Variants in SLC71A1 observed in about 807,000 individuals in gnomAD.
SLC71A1 encodes the protein solute carrier family 71 member 1.
At chr1:100,055,400 T>A in the SLC71A1 span, among the ~76,000 whole-genome samples, 72 of 151,912 alleles carry the variant, frequency 4.7e-4, no homozygotes, top group African/African-American at 1.7e-3. Flanking sequence ...TGTGTGTGTT[T>A]ATATTCCTTT....
chr1:100,040,867 CAG>C, the SLC71A1 span, among the ~76,000 whole-genome samples: 12 of 152,088 alleles, frequency 7.9e-5, no homozygotes, highest in Non-Finnish European at 1.2e-4. Flanking sequence ...CTGTTGACCT[CAG>C]AGTTTCAGAG....
chr1:100,080,589 A>G, the SLC71A1 span: 1 of 1,614,094 alleles, frequency 6.2e-7, no homozygotes, highest in Non-Finnish European at 8.5e-7. Context: ...TTCCATGTGG[A>G]ACTTAAAGAA....
At chr1:100,056,760 C>G in the SLC71A1 span, among the ~76,000 whole-genome samples, 1,600 of 152,216 alleles carry the variant, frequency 0.011, 15 homozygotes, top group Middle Eastern at 0.058. Flanking sequence ...TTTTGAGGAG[C>G]CTTCCAACTG....
the SLC71A1 span, among the ~76,000 whole-genome samples, chr1:100,043,693 A>G: frequency 6.6e-6 from 1 of 152,176 alleles, no homozygotes; most frequent in Admixed American, 6.5e-5. Flanking sequence ...TGTACCCAAT[A>G]TATAGTCTTT....
the SLC71A1 span, chr1:100,038,285 C>G: frequency 6.4e-7 from 1 of 1,560,012 alleles, no homozygotes; most frequent in East Asian, 2.4e-5. Flanking sequence ...ATCATGCTGG[C>G]CAAGAAGATC....
chr1:100,055,071 C>T, the SLC71A1 span, among the ~76,000 whole-genome samples: 2 of 152,202 alleles, frequency 1.3e-5, no homozygotes, highest in Non-Finnish European at 2.9e-5. Context: ...GAATGGAATA[C>T]AGCTTGGCAA....
At chr1:100,066,724 T>C in the SLC71A1 span, among the ~76,000 whole-genome samples, 1 of 152,026 alleles carries the variant, frequency 6.6e-6, no homozygotes, top group Non-Finnish European at 1.5e-5. Context: ...GCATGGTGGC[T>C]CACGCCTGTA....
the SLC71A1 span, chr1:100,068,320 C>T: frequency 9.4e-6 from 9 of 958,396 alleles, no homozygotes; most frequent in Non-Finnish European, 1.4e-5. Context: ...TTTTGAAATA[C>T]TTTTCAGAAT....
At chr1:100,039,330 A>C in the SLC71A1 span, among the ~76,000 whole-genome samples, 33 of 152,358 alleles carry the variant, frequency 2.2e-4, no homozygotes, top group East Asian at 3.5e-3. Context: ...GCCGCGATCA[A>C]CTGCTAGCAC....
the SLC71A1 span, chr1:100,069,733 C>T: frequency 8.3e-7 from 1 of 1,207,426 alleles, no homozygotes; most frequent in South Asian, 1.2e-5. Context: ...CCTGGCTGGC[C>T]ATCCAAACTG....
the SLC71A1 span, chr1:100,068,477 TA>T: frequency 1.9e-6 from 3 of 1,606,744 alleles, no homozygotes; most frequent in Non-Finnish European, 1.7e-6. Flanking sequence ...TTCTAGTCCT[TA>T]AAAAAAGTCG....
the SLC71A1 span, chr1:100,080,380 T>A: frequency 1.3e-6 from 1 of 768,730 alleles, no homozygotes; most frequent in South Asian, 1.8e-5. Flanking sequence ...TATAAATTGC[T>A]AGTGTCTGAT....
At chr1:100,081,665 C>G in the SLC71A1 span, among the ~76,000 whole-genome samples, 1 of 152,200 alleles carries the variant, frequency 6.6e-6, no homozygotes, top group African/African-American at 2.4e-5. Flanking sequence ...CTTGAGCCAA[C>G]ACGTGCAGCC....
the SLC71A1 span, chr1:100,058,573 G>A: frequency 1.4e-6 from 1 of 707,900 alleles, no homozygotes; most frequent in Non-Finnish European, 2.6e-6. Context: ...AAATCAGATT[G>A]TAGTATGAAT....
chr1:100,058,465 AAGTGCCCAATGT>A, the SLC71A1 span, among the ~76,000 whole-genome samples: 1 of 152,148 alleles, frequency 6.6e-6, no homozygotes, highest in Admixed American at 6.6e-5. Flanking sequence ...AATATATGTA[AAGTGCCCAATGT>A]AGTGCCCTGT....
chr1:100,069,633 A>C, the SLC71A1 span: 1 of 1,611,680 alleles, frequency 6.2e-7, no homozygotes, highest in Non-Finnish European at 8.5e-7. Flanking sequence ...TTTTCACCAG[A>C]AAGTGTTGCA....
chr1:100,080,409 TTAAG>T, the SLC71A1 span: 9 of 1,042,722 alleles, frequency 8.6e-6, no homozygotes, highest in South Asian at 9.3e-5. Flanking sequence ...TGATTTTAGA[TTAAG>T]TGATTTCATA....
At chr1:100,054,099 TG>T in the SLC71A1 span, among the ~76,000 whole-genome samples, 7 of 150,644 alleles carry the variant, frequency 4.6e-5, no homozygotes, top group Non-Finnish European at 1.0e-4. Flanking sequence ...TGGAGTGCAG[TG>T]GCGTGATCTC....
the SLC71A1 span, among the ~76,000 whole-genome samples, chr1:100,063,904 A>T: frequency 4.5e-4 from 69 of 152,252 alleles, 2 homozygotes; most frequent in East Asian, 9.5e-3. Flanking sequence ...GACATGAAAC[A>T]ACTGTACTGA....
Sources: allele counts gnomAD v4.1 joint callset (sites outside exome capture counted in the v4.1 genomes callset), GRCh38; gene constraint gnomAD v4.1.1; transcripts MANE v1.5; gene names NCBI Gene and HGNC (gene_info 2026-07-23, HGNC 2026-07-21).